NEBL: variants seen among roughly 807,000 people sequenced by gnomAD.
NEBL encodes the protein nebulette.
Under a neutral mutation model 140.2 loss-of-function variants are expected in NEBL, and 122 were observed. The ratio of observed to expected loss-of-function variants is 0.87; its 90% CI spans 0.75 to 1.01. The LOEUF (loss-of-function observed/expected upper bound fraction) is 1.01, where lower values mean the gene tolerates loss of function less well. NEBL is among the 50% of genes least tolerant of loss of function. The pLI is 0.00. For synonymous variants in NEBL, 436 were observed against 398.9 expected (o/e 1.09, Z -1.11); for missense variants, 1,365 against 1,231.3 (o/e 1.11, Z -1.62).
intron 2 of NEBL, among the ~76,000 whole-genome samples, chr10:21,046,429 G>A (rs1834516848): frequency 6.6e-6 from 1 of 152,158 alleles, no homozygotes; most frequent in South Asian, 2.1e-4. Flanking sequence ...ATTACATAGT[G>A]TACACATGTA....
intron 2 of NEBL, among the ~76,000 whole-genome samples, chr10:21,137,121 T>A (rs1839390215): frequency 1.3e-5 from 2 of 152,210 alleles, no homozygotes; most frequent in Non-Finnish European, 2.9e-5. Context: ...TAGATATGGG[T>A]CTTAGTCCTG....
chr10:20,905,848 A>C (rs769056570), intron 4 of NEBL, among the ~76,000 whole-genome samples: 2 of 152,174 alleles, frequency 1.3e-5, no homozygotes, highest in Non-Finnish European at 2.9e-5. Flanking sequence ...TACATGACGG[A>C]AATGTATAGA....
intron 2 of NEBL, among the ~76,000 whole-genome samples, chr10:21,109,402 A>G (rs974619588): frequency 5.9e-5 from 9 of 152,176 alleles, no homozygotes; most frequent in Admixed American, 5.9e-4. Context: ...TCAGTTTGCC[A>G]GTATTTTATT....
Position 20,815,717 on chromosome 10 carries a change from C to T in NEBL, c.2149G>A (p.Val717Ile). 1 of 1,580,026 alleles carries T rather than the reference C, an allele frequency of 6.3e-7. No individual in the cohort carries two copies. ...AKENQKNISN[V>I]YYRGQLGRAT... ...CTTCCCAGCTGACCTCTGTAATAAA[C>T]CTATCATTTCAGAGAACAAAAAATA... The change falls in exon 22 of 28, where the codon GTT (valine) becomes ATT (isoleucine). Residue 717 changes from valine (V) to isoleucine (I), a missense_variant and splice_region_variant. Val to Ile is a conservative substitution (Grantham distance 29). This residue lies in a region of NEBL where 1,323 missense variants were observed against 1,154.8 expected (regional missense o/e 1.15). Transcript: ENST00000377122.
intron 3 of NEBL, among the ~76,000 whole-genome samples, chr10:21,014,923 A>T (rs908884907): frequency 2.0e-5 from 3 of 152,262 alleles, no homozygotes; most frequent in African/African-American, 7.2e-5. Flanking sequence ...AACCTGGAAG[A>T]TTAAAAAAGA....
At chr10:20,922,664 T>C (rs1380256613) in intron 4 of NEBL, among the ~76,000 whole-genome samples, 1 of 152,188 alleles carries the variant, frequency 6.6e-6, no homozygotes, top group Non-Finnish European at 1.5e-5. Flanking sequence ...AACTTATAAA[T>C]ATAGGCAGAG....
chr10:21,212,493 A>AGAG (rs781366975), intron 3 of NEBL, among the ~76,000 whole-genome samples: 6 of 152,216 alleles, frequency 3.9e-5, no homozygotes, highest in Non-Finnish European at 8.8e-5. Flanking sequence ...AAAAGATGGA[A>AGAG]GGAATAAACC....
chr10:21,094,127 TG>T (rs1202309384), intron 2 of NEBL, among the ~76,000 whole-genome samples: 2 of 151,854 alleles, frequency 1.3e-5, no homozygotes, highest in Admixed American at 6.6e-5. Flanking sequence ...GAGGCTGAAG[TG>T]GGAGGATCAC....
chr10:21,022,938 T>C (rs745445073), intron 2 of NEBL, among the ~76,000 whole-genome samples: 8 of 152,172 alleles, frequency 5.3e-5, no homozygotes, highest in Non-Finnish European at 8.8e-5. Context: ...CTCCTTATGC[T>C]GAAGTCAGAC....
chr10:21,013,032 A>G (rs548682743), intron 3 of NEBL, among the ~76,000 whole-genome samples: 5 of 152,188 alleles, frequency 3.3e-5, no homozygotes, highest in Admixed American at 2.6e-4. Context: ...CCTGTCTCCC[A>G]CTACTGACAT....
chr10:20,801,477 A>G (rs1837113552), intron 26 of NEBL, among the ~76,000 whole-genome samples: 1 of 152,102 alleles, frequency 6.6e-6, no homozygotes, highest in African/African-American at 2.4e-5. Context: ...AATTACAGGC[A>G]TAAGTTACCA....
At chr10:21,230,794 G>T (rs547301433) in intron 3 of NEBL, among the ~76,000 whole-genome samples, 4 of 151,856 alleles carry the variant, frequency 2.6e-5, no homozygotes, top group Non-Finnish European at 4.4e-5. Context: ...TGGTAGAGAT[G>T]GGGTTTCACC....
chr10:21,251,892 CA>C (rs1842593437), intron 1 of NEBL, among the ~76,000 whole-genome samples: 1 of 152,064 alleles, frequency 6.6e-6, no homozygotes, highest in Non-Finnish European at 1.5e-5. Flanking sequence ...CATCACAGCC[CA>C]AAAAGACTAA....
intron 2 of NEBL, among the ~76,000 whole-genome samples, chr10:21,132,875 A>G (rs1839176944): frequency 6.6e-6 from 1 of 152,196 alleles, no homozygotes; most frequent in East Asian, 1.9e-4. Flanking sequence ...GATTCTGGGT[A>G]CTAGTTCTTT....
chr10:20,943,392 A>G (rs1231641520), intron 4 of NEBL, among the ~76,000 whole-genome samples: 3 of 152,228 alleles, frequency 2.0e-5, no homozygotes, highest in African/African-American at 7.2e-5. Context: ...CCGAACAATG[A>G]GAACACATGG....
upstream of NEBL, among the ~76,000 whole-genome samples, chr10:20,902,023 G>T (rs1165306903): frequency 1.3e-5 from 2 of 152,112 alleles, no homozygotes; most frequent in Non-Finnish European, 2.9e-5. Flanking sequence ...CTTTTTAATA[G>T]CTATTTCATT....
intron 1 of NEBL, among the ~76,000 whole-genome samples, chr10:21,287,790 A>C (rs1843078141): frequency 6.6e-6 from 1 of 152,212 alleles, no homozygotes; most frequent in African/African-American, 2.4e-5. Flanking sequence ...TCTCTCAACA[A>C]CAACAAAAAA....
chr10:21,189,933 C>G (rs1265917980), intron 3 of NEBL, among the ~76,000 whole-genome samples: 1 of 152,172 alleles, frequency 6.6e-6, no homozygotes, highest in East Asian at 1.9e-4. Flanking sequence ...CTGACTGATG[C>G]AAAATAACAG....
At chr10:21,054,051 CAAAAAAG>C (rs1834902582) in intron 2 of NEBL, among the ~76,000 whole-genome samples, 1 of 86,622 alleles carries the variant, frequency 1.2e-5, no homozygotes, top group South Asian at 3.3e-4. Context: ...AAACAAAAAA[CAAAAAAG>C]AAGTATGCCT....
Sources: allele counts gnomAD v4.1 joint callset (sites outside exome capture counted in the v4.1 genomes callset), GRCh38; gene constraint gnomAD v4.1.1; regional missense constraint gnomAD v4.1.1; transcripts MANE v1.5; gene names NCBI Gene and HGNC (gene_info 2026-07-23, HGNC 2026-07-21).